Variants in ABLIM1 observed in about 807,000 individuals in gnomAD.
ABLIM1 encodes actin-binding LIM protein 1.
Under a neutral mutation model 107.0 loss-of-function variants are expected in ABLIM1, and 40 were observed. The ratio of observed to expected loss-of-function variants is 0.37; its 90% CI spans 0.29 to 0.49. The LOEUF (loss-of-function observed/expected upper bound fraction) is 0.49, where lower values mean the gene tolerates loss of function less well. Among genes scored for constraint, ABLIM1 ranks in the 20% least tolerant of loss-of-function variants. ABLIM1 has a pLI of 0.97. For synonymous variants in ABLIM1, 357 were observed against 357.3 expected (o/e 1.00, Z 0.01); for missense variants, 857 against 1,008.5 (o/e 0.85, Z 2.04).
chr10:114,789,776 T>C, the ABLIM1 span, among the ~76,000 whole-genome samples: 1 of 151,882 alleles, frequency 6.6e-6, no homozygotes, highest in Non-Finnish European at 1.5e-5. Context: ...CGGGTTGTTT[T>C]TTGCATGTAT....
intron 4 of ABLIM1, among the ~76,000 whole-genome samples, chr10:114,571,032 T>C (rs1033056369): frequency 1.3e-5 from 2 of 152,240 alleles, no homozygotes; most frequent in African/African-American, 4.8e-5. Context: ...CGTCATCTCC[T>C]GTCTTTTTCA....
rs2059339893 is a variant in ABLIM1 at position 114,436,080 on chromosome 10, A to G, written c.*180T>C. On this transcript the variant is annotated 3_prime_UTR_variant, in exon 23 of 23. Coordinates refer to ENST00000533213, the MANE Select transcript of ABLIM1 (RefSeq NM_002313.7). ...AATTTCTACGCCATGCTTCTTGGCA[A>G]GTGTTACTGTTGGCTGGCCCGACAT... 3.4e-6 allele frequency: 2 copies of G among 580,816 alleles called. No homozygotes were observed. Among genetic ancestry groups the G allele is most frequent in the African/African-American group, 1.9e-5 (1 of 53,734 alleles). 36.0% of individuals were successfully genotyped at this position (580,816 alleles called of 1,614,324 possible).
At chr10:114,540,652 G>A (rs558180451) in intron 6 of ABLIM1, among the ~76,000 whole-genome samples, 60 of 152,260 alleles carry the variant, frequency 3.9e-4, no homozygotes, top group Middle Eastern at 3.4e-3. Context: ...GACCTGGAGC[G>A]TCTCTTCTCT....
chr10:114,599,547 G>A (rs1424795696), intron 2 of ABLIM1, among the ~76,000 whole-genome samples: 4 of 152,092 alleles, frequency 2.6e-5, no homozygotes, highest in Non-Finnish European at 5.9e-5. Flanking sequence ...TGAGGCAGGA[G>A]AATCCCTTGA....
At chr10:114,601,546 G>T (rs115915733) in intron 2 of ABLIM1, among the ~76,000 whole-genome samples, 1 of 152,172 alleles carries the variant, frequency 6.6e-6, no homozygotes, top group Non-Finnish European at 1.5e-5. Context: ...GATTATAGGC[G>T]TGAGCCGGCC....
At chr10:114,460,742 T>A (rs1031511250) in intron 12 of ABLIM1, among the ~76,000 whole-genome samples, 1 of 152,188 alleles carries the variant, frequency 6.6e-6, no homozygotes, top group African/African-American at 2.4e-5. Flanking sequence ...ACAGGATAAA[T>A]AAGCAACCCA....
chr10:114,440,370 T>C (rs1393114718), intron 19 of ABLIM1, among the ~76,000 whole-genome samples: 1 of 152,186 alleles, frequency 6.6e-6, no homozygotes, highest in Non-Finnish European at 1.5e-5. Context: ...GATCCCAATG[T>C]TCATCACACA....
intron 1 of ABLIM1, among the ~76,000 whole-genome samples, chr10:114,630,546 T>C (rs912353186): frequency 3.3e-5 from 5 of 152,250 alleles, no homozygotes; most frequent in Non-Finnish European, 7.3e-5. Flanking sequence ...GTTTCTCTTT[T>C]GTCCTGAGGT....
chr10:114,698,997 T>C (rs1476033107), intron 1 of ABLIM1, among the ~76,000 whole-genome samples: 2 of 148,266 alleles, frequency 1.3e-5, no homozygotes, highest in Non-Finnish European at 3.0e-5. Context: ...AATTAGAAGA[T>C]AGAGTCTCCA....
chr10:114,517,374 C>T (rs913945911), intron 6 of ABLIM1, among the ~76,000 whole-genome samples: 1 of 152,116 alleles, frequency 6.6e-6, no homozygotes, highest in Non-Finnish European at 1.5e-5. Flanking sequence ...CTCCAAGCCA[C>T]GCAGCACCAA....
chr10:114,729,611 T>C (rs904612674), intron 1 of ABLIM1, among the ~76,000 whole-genome samples: 6 of 152,222 alleles, frequency 3.9e-5, no homozygotes, highest in African/African-American at 1.4e-4. Flanking sequence ...GAATGGAATC[T>C]GGACACAAAT....
intron 6 of ABLIM1, among the ~76,000 whole-genome samples, chr10:114,536,476 G>A (rs868116081): frequency 5.9e-5 from 9 of 151,774 alleles, no homozygotes; most frequent in Admixed American, 1.3e-4. Context: ...TCGAACTCCC[G>A]ACCTCAGGTG....
chr10:114,588,036 C>T (rs1380509699), intron 2 of ABLIM1, among the ~76,000 whole-genome samples: 2 of 152,148 alleles, frequency 1.3e-5, no homozygotes, highest in Non-Finnish European at 2.9e-5. Context: ...GCAGAGATCA[C>T]GTCTGTATAT....
intron 7 of ABLIM1, among the ~76,000 whole-genome samples, chr10:114,490,998 G>GTATATA (rs2058860833): frequency 1.2e-5 from 1 of 82,188 alleles, no homozygotes; most frequent in Non-Finnish European, 2.1e-5. Context: ...GTGTGTGTGT[G>GTATATA]TGTGTGTGTG....
upstream of ABLIM1, among the ~76,000 whole-genome samples, chr10:114,688,021 G>T (rs1195565869): frequency 2.0e-5 from 3 of 151,958 alleles, no homozygotes; most frequent in Non-Finnish European, 4.4e-5. Context: ...GAACTATTAG[G>T]TTGGGGCAAA....
intron 1 of ABLIM1, among the ~76,000 whole-genome samples, chr10:114,633,859 G>A (rs1314447914): frequency 6.6e-6 from 1 of 152,136 alleles, no homozygotes; most frequent in Non-Finnish European, 1.5e-5. Context: ...GCTGTGTTGT[G>A]AGCCTAGCAG....
intron 4 of ABLIM1, among the ~76,000 whole-genome samples, chr10:114,553,266 TAG>T (rs1397544513): frequency 1.3e-5 from 2 of 152,198 alleles, no homozygotes; most frequent in Non-Finnish European, 2.9e-5. Flanking sequence ...TTCGAATGTG[TAG>T]AGTCATTTAC....
chr10:114,508,726 G>A (rs1162021130), intron 6 of ABLIM1, among the ~76,000 whole-genome samples: 1 of 152,136 alleles, frequency 6.6e-6, no homozygotes, highest in East Asian at 1.9e-4. Context: ...ATAAGAAAGA[G>A]TAAAATGGGA....
At chr10:114,716,410 A>AAAACACACAC (rs541504016) in intron 1 of ABLIM1, among the ~76,000 whole-genome samples, 463 of 143,616 alleles carry the variant, frequency 3.2e-3, no homozygotes, top group African/African-American at 0.011. Flanking sequence ...GGTAGAGAGA[A>AAAACACACAC]ACACACACAC....
Sources: allele counts gnomAD v4.1 joint callset (sites outside exome capture counted in the v4.1 genomes callset), GRCh38; gene constraint gnomAD v4.1.1; transcripts MANE v1.5; gene names NCBI Gene and HGNC (gene_info 2026-07-23, HGNC 2026-07-21).